Variants in SLC4A10 observed in about 807,000 individuals in gnomAD.
SLC4A10 encodes the protein solute carrier family 4 member 10.
SLC4A10 carries 42 observed loss-of-function variants against 137.7 expected under a neutral mutation model. The ratio of observed to expected loss-of-function variants is 0.30; its 90% CI spans 0.24 to 0.39. The LOEUF (loss-of-function observed/expected upper bound fraction) is 0.39. Among genes scored for constraint, SLC4A10 ranks in the 10% least tolerant of loss-of-function variants. The pLI is 1.00. For missense variants in SLC4A10, 925 were observed against 1,355.0 expected (o/e 0.68, Z 4.98); for synonymous variants, 474 against 464.1 (o/e 1.02, Z -0.27).
chr2:161,932,343 C>T (rs950393496), intron 15 of SLC4A10, among the ~76,000 whole-genome samples: 2 of 152,156 alleles, frequency 1.3e-5, no homozygotes, highest in East Asian at 3.9e-4. Context: ...AAAGACATTG[C>T]AGACCAAATT....
intron 1 of SLC4A10, among the ~76,000 whole-genome samples, chr2:161,678,586 C>G (rs1482297548): frequency 6.6e-6 from 1 of 152,084 alleles, no homozygotes; most frequent in East Asian, 1.9e-4. Flanking sequence ...TACAACTTTT[C>G]CAATACCAGA....
chr2:161,815,035 A>T (rs902545085), intron 3 of SLC4A10, among the ~76,000 whole-genome samples: 1 of 152,192 alleles, frequency 6.6e-6, no homozygotes, highest in Non-Finnish European at 1.5e-5. Context: ...AATAGTAAAA[A>T]TAAATTTCTA....
intron 15 of SLC4A10, among the ~76,000 whole-genome samples, chr2:161,933,186 TC>T (rs747117558): frequency 0.063 from 1,834 of 29,176 alleles, 45 homozygotes; most frequent in South Asian, 0.095. Context: ...TTCCTTCTTT[TC>T]TTTCTTTCTT....
intron 21 of SLC4A10, among the ~76,000 whole-genome samples, chr2:161,960,369 A>AT: frequency 7.1e-6 from 1 of 141,380 alleles, no homozygotes; most frequent in East Asian, 2.0e-4. Flanking sequence ...GTCTCAAAAA[A>AT]AAAAAAAAAA....
At chr2:161,679,686 C>CGTGTGTGTGT (rs67726464) in intron 1 of SLC4A10, among the ~76,000 whole-genome samples, 63 of 136,738 alleles carry the variant, frequency 4.6e-4, no homozygotes, top group African/African-American at 1.4e-3. Context: ...TGTAGGTCAA[C>CGTGTGTGTGT]GTGTGTGTGT....
intron 1 of SLC4A10, among the ~76,000 whole-genome samples, chr2:161,713,132 T>C (rs1044133321): frequency 6.6e-6 from 1 of 151,786 alleles, no homozygotes; most frequent in African/African-American, 2.4e-5. Flanking sequence ...AATAATAGAA[T>C]AGTTCATTTT....
chr2:161,650,552 G>A (rs2036646851), intron 1 of SLC4A10, among the ~76,000 whole-genome samples: 1 of 152,114 alleles, frequency 6.6e-6, no homozygotes, highest in South Asian at 2.1e-4. Context: ...CTGTGGCTCT[G>A]GATCTGGGCA....
At chr2:161,682,218 A>T (rs1374226621) in intron 1 of SLC4A10, among the ~76,000 whole-genome samples, 1 of 152,152 alleles carries the variant, frequency 6.6e-6, no homozygotes, top group Non-Finnish European at 1.5e-5. Flanking sequence ...TAACAAGCTG[A>T]GTCTCAGAGA....
intron 1 of SLC4A10, among the ~76,000 whole-genome samples, chr2:161,692,871 T>C (rs991223587): frequency 6.6e-6 from 1 of 151,874 alleles, no homozygotes; most frequent in Non-Finnish European, 1.5e-5. Flanking sequence ...GGTGCTGTAC[T>C]GGAGAGGAGT....
chr2:161,706,793 T>C (rs1346045896), intron 1 of SLC4A10, among the ~76,000 whole-genome samples: 1 of 151,636 alleles, frequency 6.6e-6, no homozygotes, highest in African/African-American at 2.4e-5. Flanking sequence ...TAGATCAGAA[T>C]CTTCTGTTTT....
intron 1 of SLC4A10, among the ~76,000 whole-genome samples, chr2:161,640,957 C>T (rs62188966): frequency 0.059 from 8,947 of 152,176 alleles, 543 homozygotes; most frequent in Admixed American, 0.21. Flanking sequence ...GTGTACCTGG[C>T]TCCCTTGTAC....
intron 20 of SLC4A10, among the ~76,000 whole-genome samples, chr2:161,958,183 T>C (rs1008841285): frequency 3.9e-5 from 6 of 152,268 alleles, no homozygotes; most frequent in African/African-American, 1.2e-4. Context: ...AATAATATTA[T>C]TGTTCATTAT....
intron 4 of SLC4A10, among the ~76,000 whole-genome samples, chr2:161,841,485 A>G (rs978704483): frequency 1.1e-4 from 16 of 152,212 alleles, no homozygotes; most frequent in Admixed American, 9.8e-4. Flanking sequence ...TCAGATTGCA[A>G]TTGCTGTCTG....
At chr2:161,890,735 T>G (rs566693705) in intron 10 of SLC4A10, among the ~76,000 whole-genome samples, 1 of 152,220 alleles carries the variant, frequency 6.6e-6, no homozygotes, top group Non-Finnish European at 1.5e-5. Context: ...GGGTCTTGAC[T>G]CTTTATCCAA....
chr2:161,694,448 A>G (rs2042295616), intron 1 of SLC4A10, among the ~76,000 whole-genome samples: 1 of 149,522 alleles, frequency 6.7e-6, no homozygotes, highest in African/African-American at 2.5e-5. Context: ...TAATGAATGA[A>G]ATTCAGAGAC....
chr2:161,678,444 A>C (rs2040493609), intron 1 of SLC4A10, among the ~76,000 whole-genome samples: 1 of 152,208 alleles, frequency 6.6e-6, no homozygotes, highest in Non-Finnish European at 1.5e-5. Context: ...TGCCAAAGTG[A>C]GAGACGACAC....
At chr2:161,937,113 A>G (rs545381873) in intron 15 of SLC4A10, among the ~76,000 whole-genome samples, 1 of 152,246 alleles carries the variant, frequency 6.6e-6, no homozygotes, top group East Asian at 1.9e-4. Context: ...GTTGAGGAGT[A>G]TGTTGTTTAA....
At chr2:161,780,212 G>T (rs74358500) in intron 2 of SLC4A10, among the ~76,000 whole-genome samples, 4,837 of 152,056 alleles carry the variant, frequency 0.032, 110 homozygotes, top group Middle Eastern at 0.054. Context: ...TATTTATTAT[G>T]TAAAGACTCT....
At chr2:161,776,808 A>G (rs886389475) in intron 2 of SLC4A10, among the ~76,000 whole-genome samples, 3 of 151,490 alleles carry the variant, frequency 2.0e-5, no homozygotes. Flanking sequence ...TACATTCCCA[A>G]CAAAAATGCG....
Sources: allele counts gnomAD v4.1 joint callset (sites outside exome capture counted in the v4.1 genomes callset), GRCh38; gene constraint gnomAD v4.1.1; transcripts MANE v1.5; gene names NCBI Gene and HGNC (gene_info 2026-07-23, HGNC 2026-07-21).